The following PC variants were observed in gnomAD, a reference collection of about 807,000 sequenced individuals.
PC encodes the protein pyruvate carboxylase, mitochondrial.
In PC, 46 loss-of-function variants were observed where a neutral mutation model predicts 107.8. The observed-to-expected ratio is 0.43, with a 90% CI of 0.34 to 0.55. The LOEUF (loss-of-function observed/expected upper bound fraction) is 0.55, where lower values mean the gene tolerates loss of function less well. PC is among the 20% of genes least tolerant of loss of function. The pLI, the probability that PC is intolerant of heterozygous loss-of-function variation, is 0.04. For missense variants in PC, 1,241 were observed against 1,643.1 expected (o/e 0.76, Z 4.23); for synonymous variants, 662 against 684.7 (o/e 0.97, Z 0.52).
intron 12 of PC, chr11:66,859,798 C>G (rs1486330907): frequency 6.3e-7 from 1 of 1,594,146 alleles, no homozygotes; most frequent in Non-Finnish European, 8.5e-7. Context: ...CCGGCCTCGC[C>G]CCTGTGCCAC....
At chr11:66,910,930 C>A (rs1251983538) in intron 3 of PC, among the ~76,000 whole-genome samples, 1 of 152,204 alleles carries the variant, frequency 6.6e-6, no homozygotes, top group Non-Finnish European at 1.5e-5. Context: ...AATTGCAACT[C>A]CAACACTTAA....
At chr11:66,927,373 C>G (rs1423956755) in intron 3 of PC, among the ~76,000 whole-genome samples, 2 of 150,530 alleles carry the variant, frequency 1.3e-5, no homozygotes, top group Non-Finnish European at 2.9e-5. Context: ...GAAACACACA[C>G]AGCAGCCCAG....
chr11:66,925,379 T>C (rs1948692955), intron 3 of PC, among the ~76,000 whole-genome samples: 1 of 152,104 alleles, frequency 6.6e-6, no homozygotes, highest in African/African-American at 2.4e-5. Flanking sequence ...AGGCCTACCC[T>C]CAGGGACGCA....
chr11:66,884,177 G>A (rs1019022353), intron 3 of PC, among the ~76,000 whole-genome samples: 8 of 151,672 alleles, frequency 5.3e-5, no homozygotes, highest in African/African-American at 7.3e-5. Flanking sequence ...GTGGGAGGCA[G>A]AGGTTGCGGT....
chr11:66,891,350 G>A (rs980607678), intron 3 of PC, among the ~76,000 whole-genome samples: 16 of 151,606 alleles, frequency 1.1e-4, no homozygotes, highest in Admixed American at 6.6e-5. Context: ...ATGAGCCACT[G>A]TGCCCACCTA....
At chr11:66,950,378 G>C (rs567926638) in intron 3 of PC, among the ~76,000 whole-genome samples, 5 of 152,284 alleles carry the variant, frequency 3.3e-5, no homozygotes, top group African/African-American at 1.2e-4. Context: ...GTGCCCTCCC[G>C]GCCCCACCTC....
chr11:66,913,966 C>A (rs964284710), intron 3 of PC, among the ~76,000 whole-genome samples: 4 of 152,096 alleles, frequency 2.6e-5, no homozygotes, highest in Non-Finnish European at 5.9e-5. Context: ...GGACACACAG[C>A]CACAAAGATG....
intron 3 of PC, among the ~76,000 whole-genome samples, chr11:66,895,898 C>A (rs544499962): frequency 6.6e-6 from 1 of 152,154 alleles, no homozygotes; most frequent in Non-Finnish European, 1.5e-5. Flanking sequence ...CACAGGCCTA[C>A]ACCAAGGCAC....
At chr11:66,883,227 CA>C (rs529514060) in intron 3 of PC, among the ~76,000 whole-genome samples, 92 of 152,234 alleles carry the variant, frequency 6.0e-4, no homozygotes, top group African/African-American at 2.1e-3. Flanking sequence ...GACTGGGGGA[CA>C]AAGGGGGTCT....
intron 3 of PC, among the ~76,000 whole-genome samples, chr11:66,897,353 C>T (rs1947796026): frequency 6.6e-6 from 1 of 152,136 alleles, no homozygotes; most frequent in Non-Finnish European, 1.5e-5. Context: ...GGCAGATTAC[C>T]TGAGGCCAAG....
rs1376541029 is a variant in PC at position 66,858,412 on chromosome 11, C to G, written c.1369-5029G>C. 4 of 1,556,216 alleles carry G rather than the reference C, an allele frequency of 2.6e-6. No individual in the cohort carries two copies. The highest frequency in any genetic ancestry group is 3.5e-6 in the Non-Finnish European group (4 of 1,156,644). ...TCTCGTGGGCGTGATGCAGAGGCCTCTCCCGCCCCCCTGGTGCTGAGCTTT... is the reference window on the plus strand; with the variant it reads ...TCTCGTGGGCGTGATGCAGAGGCCTGTCCCGCCCCCCTGGTGCTGAGCTTT... On this transcript the variant is annotated intron_variant, in intron 12 of 22. Coordinates refer to ENST00000393960, the MANE Select transcript of PC (RefSeq NM_001040716.2). The surrounding 1 kb of genome is among the most constrained non-coding windows in gnomAD (Gnocchi z 5.9).
intron 12 of PC, among the ~76,000 whole-genome samples, chr11:66,855,577 G>A (rs536884417): frequency 6.6e-6 from 1 of 152,324 alleles, no homozygotes; most frequent in South Asian, 2.1e-4. Context: ...GGGATTACAG[G>A]CATGAACCAC....
At chr11:66,875,407 G>A (rs1946936953) in intron 3 of PC, among the ~76,000 whole-genome samples, 1 of 152,148 alleles carries the variant, frequency 6.6e-6, no homozygotes, top group African/African-American at 2.4e-5. Flanking sequence ...CTGGGAGTGA[G>A]GCAAGCTCAC....
Position 66,849,769 on chromosome 11 carries a change from G to C in PC, c.2989C>G (p.Arg997Gly). ...LQALEKELVD[R>G]HGEEVTPEDV... ...TCCGGCGTCACCTCCTCCCCATGCC[G>C]GTCTACCAGCTCCTTCTCCAGTGCC... The change falls in exon 21 of 23, where the codon CGG (arginine) becomes GGG (glycine). Residue 997 changes from arginine (R) to glycine (G), a missense_variant. Physicochemically the swap from Arg to Gly is moderately radical, Grantham distance 125. This residue lies in a region of PC where 1,143 missense variants were observed against 1,551.9 expected (regional missense o/e 0.74). Coordinates refer to ENST00000393960, the MANE Select transcript of PC (RefSeq NM_001040716.2). 1.2e-6 allele frequency: 2 copies of C among 1,614,164 alleles called. No homozygotes were observed. Among genetic ancestry groups the C allele is most frequent in the Middle Eastern group, 3.3e-4 (2 of 6,062 alleles).
At chr11:66,939,163 G>A (rs1385844786) in intron 3 of PC, among the ~76,000 whole-genome samples, 5 of 151,328 alleles carry the variant, frequency 3.3e-5, no homozygotes, top group African/African-American at 9.7e-5. Context: ...AAAAATATTC[G>A]AAAAAGCAAA....
At chr11:66,927,498 G>A (rs1464520735) in intron 3 of PC, among the ~76,000 whole-genome samples, 1 of 151,828 alleles carries the variant, frequency 6.6e-6, no homozygotes, top group East Asian at 1.9e-4. Flanking sequence ...GAGGTGGGTG[G>A]ATTGCCTGAG....
At chr11:66,882,926 G>C (rs149413792) in intron 3 of PC, among the ~76,000 whole-genome samples, 2 of 152,330 alleles carry the variant, frequency 1.3e-5, no homozygotes, top group Non-Finnish European at 2.9e-5. Flanking sequence ...TTCTGGGCAG[G>C]GGGGGCAGAA....
chr11:66,948,010 T>G (rs1949342201), intron 3 of PC, among the ~76,000 whole-genome samples: 1 of 109,760 alleles, frequency 9.1e-6, no homozygotes, highest in African/African-American at 3.4e-5. Context: ...TCATCTCTAC[T>G]AAAGATAGAT....
chr11:66,920,037 A>G (rs1472849680), intron 3 of PC, among the ~76,000 whole-genome samples: 1 of 152,236 alleles, frequency 6.6e-6, no homozygotes, highest in African/African-American at 2.4e-5. Context: ...TTGAATGAAT[A>G]AATGAATGAA....
Sources: allele counts gnomAD v4.1 joint callset (sites outside exome capture counted in the v4.1 genomes callset), GRCh38; gene constraint gnomAD v4.1.1; regional missense constraint gnomAD v4.1.1; non-coding constraint Gnocchi (gnomAD v3.1); transcripts MANE v1.5; gene names NCBI Gene and HGNC (gene_info 2026-07-23, HGNC 2026-07-21).